The following SNX29 variants were observed in gnomAD, a reference collection of about 807,000 sequenced individuals.
SNX29 encodes sorting nexin-29.
In SNX29, 78 loss-of-function variants were observed where a neutral mutation model predicts 102.1. The ratio of observed to expected loss-of-function variants is 0.76; its 90% CI spans 0.64 to 0.92. SNX29 has a LOEUF of 0.92. SNX29 is among the 40% of genes least tolerant of loss of function. SNX29 has a pLI of 0.00. For missense variants in SNX29, 1,280 were observed against 1,061.7 expected (o/e 1.21, Z -2.86); for synonymous variants, 580 against 414.5 (o/e 1.40, Z -4.85).
chr16:12,005,944 C>A (rs1477725537), intron 3 of SNX29, among the ~76,000 whole-genome samples: 2 of 152,066 alleles, frequency 1.3e-5, no homozygotes, highest in Non-Finnish European at 2.9e-5. Context: ...ACTACCATAA[C>A]CTTTGTTATA....
In SNX29 at chr16:12,537,502, C is replaced by T. The variant is rs985779894; in HGVS notation, c.2318+12661C>T. On this transcript the variant is annotated intron_variant, in intron 20 of 20. Transcript: ENST00000566228. ...AAATTGGTGATAGTGGCAGAGATTT[C>T]ACAGGCTTGTTGGGAGGATTAAAGG... Among the ~76,000 whole-genome samples the T allele has an allele frequency of 2.6e-5, 4 of 152,290 alleles. No homozygotes were observed. The South Asian group carries it at 8.3e-4, about 32-fold the overall frequency.
intron 3 of SNX29, among the ~76,000 whole-genome samples, chr16:12,004,485 G>C (rs2056390846): frequency 6.6e-6 from 1 of 152,176 alleles, no homozygotes; most frequent in Non-Finnish European, 1.5e-5. Context: ...TCCAGTCCTT[G>C]CTGCAAATGC....
chr16:12,197,394 A>T (rs2076803806), intron 13 of SNX29, among the ~76,000 whole-genome samples: 1 of 151,418 alleles, frequency 6.6e-6, no homozygotes, highest in South Asian at 2.1e-4. Flanking sequence ...ACATGGTGAA[A>T]CCCCCATCTC....
chr16:12,432,604 A>T (rs1158313226), intron 18 of SNX29, among the ~76,000 whole-genome samples: 2 of 152,212 alleles, frequency 1.3e-5, no homozygotes, highest in Non-Finnish European at 2.9e-5. Context: ...CAGCAACGCC[A>T]CACACGTGCC....
chr16:12,059,021 G>A (rs1461084214), intron 8 of SNX29, among the ~76,000 whole-genome samples: 1 of 151,724 alleles, frequency 6.6e-6, no homozygotes, highest in Non-Finnish European at 1.5e-5. Flanking sequence ...CTTCTGCCTC[G>A]GCCTCCCAAA....
At chr16:12,091,620 TAC>T (rs974703203) in intron 11 of SNX29, among the ~76,000 whole-genome samples, 1 of 151,906 alleles carries the variant, frequency 6.6e-6, no homozygotes, top group Non-Finnish European at 1.5e-5. Flanking sequence ...ACCCTGTCTC[TAC>T]ACACACACAA....
At chr16:12,404,765 G>C (rs1054278756) in intron 18 of SNX29, among the ~76,000 whole-genome samples, 1 of 152,310 alleles carries the variant, frequency 6.6e-6, no homozygotes, top group Middle Eastern at 3.4e-3. Flanking sequence ...GTAAAATGGA[G>C]ACAGTAATCT....
intron 15 of SNX29, among the ~76,000 whole-genome samples, chr16:12,311,896 G>C (rs1435299204): frequency 2.0e-5 from 3 of 152,178 alleles, no homozygotes; most frequent in Admixed American, 2.0e-4. Context: ...CTCTATCTTT[G>C]CATAAAAGTA....
chr16:12,058,943 A>G (rs151173856), intron 8 of SNX29, among the ~76,000 whole-genome samples: 11 of 151,338 alleles, frequency 7.3e-5, no homozygotes, highest in African/African-American at 2.2e-4. Flanking sequence ...CAGGTGTGCA[A>G]TACCATACCT....
intron 15 of SNX29, among the ~76,000 whole-genome samples, chr16:12,313,005 A>T (rs1001935120): frequency 7.0e-6 from 1 of 142,588 alleles, no homozygotes; most frequent in African/African-American, 2.5e-5. Flanking sequence ...GACCCTGGGG[A>T]GACTTTTTGT....
Position 12,048,519 on chromosome 16 carries a change from G to C in SNX29, c.647G>C (p.Ser216Thr). The C allele has an allele frequency of 6.2e-7, 1 of 1,613,956 alleles. No homozygotes were observed. The change falls in exon 7 of 21, where the codon AGC becomes ACC. Residue 216 changes from serine (S) to threonine (T), a missense_variant. Ser to Thr is a moderately conservative substitution (Grantham distance 58, BLOSUM62 1). Transcript: ENST00000566228. Reference protein sequence around the residue: ...LLKESTQGVSSLFREITASSA... With the variant: ...LLKESTQGVSTLFREITASSA... ...AAGGAGTCCACGCAAGGAGTGAGCA[G>C]CCTGTTCAGGGAGATCACAGCCTCC...
intron 15 of SNX29, among the ~76,000 whole-genome samples, chr16:12,290,986 A>C (rs139282812): frequency 2.6e-5 from 4 of 152,160 alleles, no homozygotes; most frequent in Non-Finnish European, 5.9e-5. Context: ...AATGGTATCT[A>C]TTCAGCTTGT....
At chr16:11,991,454 C>T (rs934737553) in intron 1 of SNX29, among the ~76,000 whole-genome samples, 2 of 151,814 alleles carry the variant, frequency 1.3e-5, no homozygotes, top group African/African-American at 2.4e-5. Flanking sequence ...AGGAGGGGCC[C>T]GTGGAAGCAA....
intron 19 of SNX29, among the ~76,000 whole-genome samples, chr16:12,482,275 TCTTTTTC>T (rs2087981253): frequency 1.4e-5 from 2 of 145,872 alleles, no homozygotes; most frequent in East Asian, 1.9e-4. Context: ...TTTTCCTTTT[TCTTTTTC>T]CTTTTTCCTT....
chr16:12,387,681 A>G (rs1356798694), intron 16 of SNX29, among the ~76,000 whole-genome samples: 1 of 152,110 alleles, frequency 6.6e-6, no homozygotes. Flanking sequence ...ACTGAGGCTC[A>G]AGATTTTCTG....
Position 12,567,984 on chromosome 16 carries a change from TTCC to T in SNX29, c.2319-520_2319-518del, listed in dbSNP as rs545490802. Reference sequence around the variant, plus strand: ...CCCCTCTTGGTGTTATCTTCCACTGTTCCTGGCTCTTAAACACAATACCATGCC... The same window carrying T: ...CCCCTCTTGGTGTTATCTTCCACTGTTGGCTCTTAAACACAATACCATGCC... On this transcript the variant is annotated intron_variant, in intron 20 of 20. Coordinates refer to ENST00000566228, the MANE Select transcript of SNX29 (RefSeq NM_032167.5). Among the ~76,000 whole-genome samples the T allele has an allele frequency of 3.9e-3, 592 of 152,312 alleles. 3 individuals carry two copies. Among genetic ancestry groups the T allele is most frequent in the African/African-American group, 0.013 (525 of 41,576 alleles).
intron 13 of SNX29, among the ~76,000 whole-genome samples, chr16:12,190,744 G>A (rs1678453225): frequency 6.6e-6 from 1 of 152,168 alleles, no homozygotes; most frequent in African/African-American, 2.4e-5. Flanking sequence ...TGCTCTGGGA[G>A]CCCTGACAGC....
At chr16:12,475,728 G>GA (rs1037785090) in intron 18 of SNX29, among the ~76,000 whole-genome samples, 9 of 152,274 alleles carry the variant, frequency 5.9e-5, no homozygotes, top group African/African-American at 1.7e-4. Flanking sequence ...CACTAGCCTG[G>GA]AAAAAACATC....
rs889740195 is a variant in SNX29 at position 12,226,976 on chromosome 16, G to A, written c.1678+27293G>A. Among the ~76,000 whole-genome samples, 5 of 152,156 alleles carry A rather than the reference G, an allele frequency of 3.3e-5. No homozygotes were observed. The East Asian group carries it at 7.7e-4, about 23-fold the overall frequency. ...CTGGCTACCATCCCTAATCGAGACC[G>A]GATTTGAATCTATCTTTGAAAGGGA... On this transcript the variant is annotated intron_variant, in intron 14 of 20. Coordinates refer to ENST00000566228, the MANE Select transcript of SNX29 (RefSeq NM_032167.5).
Sources: gnomAD v4.1 joint callset for allele counts (sites outside exome capture counted in the v4.1 genomes callset) on GRCh38, gnomAD v4.1.1 for gene constraint, MANE v1.5 for transcripts, NCBI Gene and HGNC (gene_info 2026-07-23, HGNC 2026-07-21) for gene names.